CGAS: variants seen among roughly 807,000 people sequenced by gnomAD.
The protein encoded by CGAS is 2'3'-cGAMP synthase.
A neutral mutation model predicts 34.0 loss-of-function variants in CGAS; 31 were observed. The ratio of observed to expected loss-of-function variants is 0.91; its 90% CI spans 0.69 to 1.23. The LOEUF (loss-of-function observed/expected upper bound fraction) is 1.23. Among genes scored for constraint, CGAS ranks in the 50% most tolerant of loss-of-function variants. The pLI, the probability that CGAS is intolerant of heterozygous loss-of-function variation, is 0.00. For missense variants in CGAS, 597 were observed against 657.6 expected (o/e 0.91, Z 1.01); for synonymous variants, 266 against 260.0 (o/e 1.02, Z -0.22).
In CGAS at chr6:73,451,975, C is replaced by T; in HGVS notation, c.207G>A (p.Gln69=). Residue 69 remains glutamine, a synonymous_variant, in exon 1 of 5, where the codon CAG becomes CAA. Coordinates refer to ENST00000370315, the MANE Select transcript of CGAS (RefSeq NM_138441.3). ...CAGTTGCGCGGACGGGCGGCCTCTC[C>T]TGGGTGTCCGGGGCGCTCTTTTTCT... ...SRQKKSAPDT[Q]ERPPVRATGA... is the part of the protein sequence containing the mutation. The T allele has an allele frequency of 6.7e-7, 1 of 1,483,386 alleles. No individual in the cohort carries two copies. Among genetic ancestry groups the T allele is most frequent in the Non-Finnish European group, 9.0e-7 (1 of 1,115,338 alleles). The allele number at this position is 1,483,386 out of a possible 1,614,324, so 91.9% of individuals were successfully genotyped here. A position where few individuals can be genotyped will look rare whatever the true frequency, so the allele number is the denominator to read the frequency against.
intron 2 of CGAS, among the ~76,000 whole-genome samples, chr6:73,443,619 C>A (rs1736291725): frequency 1.3e-5 from 2 of 152,216 alleles, no homozygotes; most frequent in African/African-American, 4.8e-5. Flanking sequence ...TCCCACATTC[C>A]TGATCCCTCT....
intron 1 of CGAS, among the ~76,000 whole-genome samples, chr6:73,450,415 C>CAAAA (rs538531836): frequency 1.2e-5 from 1 of 84,104 alleles, no homozygotes; most frequent in Non-Finnish European, 2.5e-5. Context: ...AACTCCGTCT[C>CAAAA]AAAAAAAAAA....
At chr6:73,447,576 C>G (rs909295998) in intron 1 of CGAS, among the ~76,000 whole-genome samples, 13 of 152,124 alleles carry the variant, frequency 8.5e-5, no homozygotes, top group Admixed American at 8.5e-4. Context: ...AGCCACCATG[C>G]CTGGCCAAAG....
Position 73,448,198 on chromosome 6 carries a change from C to A in CGAS, c.658-2451G>T, listed in dbSNP as rs536696294. Among the ~76,000 whole-genome samples, 6 of 152,218 alleles carry A rather than the reference C, an allele frequency of 3.9e-5. No homozygotes were observed. In the South Asian group the frequency reaches 1.2e-3, roughly 32 times the overall value. ...CCTGAGGTCAGGAGTTTGAGACCAGCCTTACCAACATGGAGAAACCCCATC... is the reference window on the plus strand; with the variant it reads ...CCTGAGGTCAGGAGTTTGAGACCAGACTTACCAACATGGAGAAACCCCATC... On this transcript the variant is annotated intron_variant, in intron 1 of 4. Coordinates refer to ENST00000370315, the MANE Select transcript of CGAS (RefSeq NM_138441.3).
rs1220353255 is a variant in CGAS at position 73,425,165 on chromosome 6, T to G, written c.*62A>C. ...ACAGCGTCTGGCCCCTTTTCAAATT[T>G]TTCTTGTATTCTCCAGGATTTAGGG... On this transcript the variant is annotated 3_prime_UTR_variant, in exon 5 of 5. Transcript: ENST00000370315. 1.5e-6 allele frequency: 2 copies of G among 1,292,126 alleles called. No homozygotes were observed. Among genetic ancestry groups the G allele is most frequent in the African/African-American group, 3.0e-5 (2 of 66,192 alleles). 80.0% of individuals were successfully genotyped at this position (1,292,126 alleles called of 1,614,324 possible).
rs142050614 is a variant in CGAS at position 73,440,461 on chromosome 6, A to C, written c.878-16T>G. The C allele has an allele frequency of 2.9e-5, 46 of 1,563,390 alleles. No homozygotes were observed. In the African/African-American group the frequency reaches 5.9e-4, roughly 20 times the overall value. ...ACATCTGTATCTGGTTGAACATATA[A>C]AAGAAAAGAAAGTATTTATTAATCC... On this transcript the variant is annotated splice_polypyrimidine_tract_variant and intron_variant, in intron 2 of 4. Coordinates refer to ENST00000370315, the MANE Select transcript of CGAS (RefSeq NM_138441.3).
At chr6:73,446,010 A>G (rs1313570336) in intron 1 of CGAS, among the ~76,000 whole-genome samples, 1 of 152,140 alleles carries the variant, frequency 6.6e-6, no homozygotes, top group Non-Finnish European at 1.5e-5. Flanking sequence ...ATTTTAGGCC[A>G]AGTGCAGTGG....
chr6:73,431,353 C>G (rs1770193700), intron 3 of CGAS, among the ~76,000 whole-genome samples: 1 of 152,070 alleles, frequency 6.6e-6, no homozygotes, highest in African/African-American at 2.4e-5. Flanking sequence ...AGCCTGTAAT[C>G]CCAGCTACTC....
chr6:73,440,420 T>A lies in CGAS; in HGVS notation c.903A>T (p.Lys301Asn). The A allele has an allele frequency of 6.2e-7, 1 of 1,613,796 alleles. No homozygotes were observed. The highest frequency in any genetic ancestry group is 1.1e-5 in the South Asian group (1 of 91,002). Reference sequence around the variant, plus strand: ...GTGTTACAGCAGGGCTCCCTCCTCTTTTCCTCTTCATGATGACATCTGTAT... The same window carrying A: ...GTGTTACAGCAGGGCTCCCTCCTCTATTCCTCTTCATGATGACATCTGTAT... ...IKDTDVIMKR[K>N]RGGSPAVTLL... The change falls in exon 3 of 5, where the codon AAA (lysine) becomes AAT (asparagine). Residue 301 changes from lysine to asparagine, a missense_variant. Transcript: ENST00000370315.
At chr6:73,426,866 T>C (rs748250833) in intron 4 of CGAS, among the ~76,000 whole-genome samples, 2 of 151,978 alleles carry the variant, frequency 1.3e-5, no homozygotes, top group African/African-American at 2.4e-5. Flanking sequence ...TTCCTTTTTT[T>C]TTGAGATGGA....
intron 4 of CGAS, among the ~76,000 whole-genome samples, chr6:73,428,170 G>A (rs1355395163): frequency 6.6e-6 from 1 of 151,576 alleles, no homozygotes; most frequent in Non-Finnish European, 1.5e-5. Context: ...GCTGTGGTGA[G>A]CCGTAATTGT....
intron 1 of CGAS, among the ~76,000 whole-genome samples, chr6:73,451,007 AAAG>A (rs1447589720): frequency 1.3e-5 from 2 of 151,502 alleles, no homozygotes; most frequent in Non-Finnish European, 1.5e-5. Flanking sequence ...AAAAAAAAGA[AAAG>A]AAAAGAAAAA....
intron 2 of CGAS, among the ~76,000 whole-genome samples, chr6:73,444,997 G>A (rs1267547502): frequency 6.6e-6 from 1 of 152,138 alleles, no homozygotes; most frequent in African/African-American, 2.4e-5. Context: ...ATTAAGTTAT[G>A]TTTATTCGCT....
rs368392294 is a variant in CGAS, at chr6:73,440,368, C to T, written c.955G>A (p.Asp319Asn). The T allele has an allele frequency of 3.7e-6, 6 of 1,614,012 alleles. No homozygotes were observed. In the African/African-American group the frequency reaches 8.0e-5, roughly 22 times the overall value. Residue 319 changes from aspartate (D) to asparagine (N), a missense_variant, in exon 3 of 5, where the codon GAT (aspartate) becomes AAT (asparagine). Physicochemically the swap from Asp to Asn is conservative, Grantham distance 23. Coordinates refer to ENST00000370315, the MANE Select transcript of CGAS (RefSeq NM_138441.3). ...TLLISEKISV[D>N]ITLALESKSS... Reference sequence around the variant, plus strand: ...TTTGATTCCAAAGCCAGGGTTATATCCACAGATATTTTTTCACTAATAAGA... The same window carrying T: ...TTTGATTCCAAAGCCAGGGTTATATTCACAGATATTTTTTCACTAATAAGA...
chr6:73,440,074 C>A, intron 3 of CGAS, 135 bp downstream of exon 3: 1 of 726,280 alleles, frequency 1.4e-6, no homozygotes, highest in African/African-American at 1.8e-5. Context: ...CACCAGACTC[C>A]CATCTTATAA....
rs1314218570 is a variant in CGAS at position 73,424,532 on chromosome 6, T to C, written c.*695A>G. 2 of 152,190 alleles carry C rather than the reference T, an allele frequency of 1.3e-5. No individual in the cohort carries two copies. Among genetic ancestry groups the C allele is most frequent in the Non-Finnish European group, 2.9e-5 (2 of 68,040 alleles). The allele number at this position is 152,190 out of a possible 1,614,324, so 9.4% of individuals were successfully genotyped here. ...AATTTAATTAAGGCAATATGTACTT[T>C]ATCTTTTTTTATTCCAACCTAAAAA... On this transcript the variant is annotated 3_prime_UTR_variant, in exon 5 of 5. Coordinates refer to ENST00000370315, the MANE Select transcript of CGAS (RefSeq NM_138441.3).
At chr6:73,450,370 G>A (rs143179238) in intron 1 of CGAS, among the ~76,000 whole-genome samples, 2,357 of 150,480 alleles carry the variant, frequency 0.016, 161 homozygotes, top group Admixed American at 0.12. Context: ...AGCTGAGATC[G>A]CGCCATTGCA....
At chr6:73,449,480 C>A (rs1455160332) in intron 1 of CGAS, among the ~76,000 whole-genome samples, 1 of 149,844 alleles carries the variant, frequency 6.7e-6, no homozygotes, top group African/African-American at 2.4e-5. Flanking sequence ...GTCTCAAACA[C>A]ACACACACAC....
At chr6:73,442,404 CTT>C (rs575356584) in intron 2 of CGAS, among the ~76,000 whole-genome samples, 11 of 140,660 alleles carry the variant, frequency 7.8e-5, no homozygotes, top group Admixed American at 1.4e-4. Context: ...CCAGCCCAAA[CTT>C]TTTTTTTTTT....
Sources: allele counts gnomAD v4.1 joint callset (sites outside exome capture counted in the v4.1 genomes callset), GRCh38; gene constraint gnomAD v4.1.1; transcripts MANE v1.5; gene names NCBI Gene and HGNC (gene_info 2026-07-23, HGNC 2026-07-21).